The following TNNI3K variants were observed in gnomAD, a reference collection of about 807,000 sequenced individuals.
TNNI3K encodes the protein serine/threonine-protein kinase TNNI3K.
TNNI3K carries 140 observed loss-of-function variants against 114.5 expected under a neutral mutation model. The observed-to-expected ratio is 1.22, with a 90% CI of 1.07 to 1.41. The LOEUF is 1.41. Among genes scored for constraint, TNNI3K ranks in the 40% most tolerant of loss-of-function variants. The pLI, the probability that TNNI3K is intolerant of heterozygous loss-of-function variation, is 0.00. For missense variants in TNNI3K, 1,125 were observed against 1,007.6 expected, an observed-to-expected ratio of 1.12 and a Z score of -1.58; for synonymous variants, 347 against 347.5, an observed-to-expected ratio of 1.00 and a Z score of 0.02.
At chr1:74,260,345 A>G (rs1159811940) in intron 4 of TNNI3K, among the ~76,000 whole-genome samples, 1 of 152,206 alleles carries the variant, frequency 6.6e-6, no homozygotes, top group African/African-American at 2.4e-5. Flanking sequence ...GTGTCCAAAC[A>G]TTAGAACAAT....
intron 21 of TNNI3K, chr1:74,470,122 T>C: frequency 2.5e-6 from 1 of 400,750 alleles, no homozygotes; most frequent in Non-Finnish European, 4.4e-6. Context: ...TCTAAAATTA[T>C]GTACATTACT....
At chr1:74,500,231 A>G (rs1669539913) in intron 23 of TNNI3K, among the ~76,000 whole-genome samples, 1 of 152,206 alleles carries the variant, frequency 6.6e-6, no homozygotes, top group South Asian at 2.1e-4. Flanking sequence ...ATTGTTTTAT[A>G]CAACTATGTT....
At chr1:74,542,324 T>C (rs6604871) in intron 24 of TNNI3K, among the ~76,000 whole-genome samples, 78,322 of 152,118 alleles carry the variant, frequency 0.51, 21,368 homozygotes, top group East Asian at 0.73. Flanking sequence ...AAGCTGATTA[T>C]GGTCATAAAA....
chr1:74,253,399 T>A (rs1354412581), intron 4 of TNNI3K, among the ~76,000 whole-genome samples: 1 of 151,966 alleles, frequency 6.6e-6, no homozygotes, highest in East Asian at 1.9e-4. Flanking sequence ...GCAGCACGCT[T>A]TGGGTAAGCT....
intron 21 of TNNI3K, among the ~76,000 whole-genome samples, chr1:74,481,981 G>T (rs974686947): frequency 6.6e-6 from 1 of 152,154 alleles, no homozygotes; most frequent in African/African-American, 2.4e-5. Flanking sequence ...AAGATTCTCA[G>T]AGTGCCTTCT....
At chr1:74,333,639 T>C (rs1166600213) in intron 6 of TNNI3K, among the ~76,000 whole-genome samples, 2 of 152,224 alleles carry the variant, frequency 1.3e-5, no homozygotes, top group Non-Finnish European at 2.9e-5. Flanking sequence ...AAGTAATTTA[T>C]GGAGGCTATT....
chr1:74,353,660 A>C (rs1200368912), intron 10 of TNNI3K, among the ~76,000 whole-genome samples: 1 of 146,384 alleles, frequency 6.8e-6, no homozygotes, highest in African/African-American at 2.5e-5. Context: ...AAAAAAAAAA[A>C]ACCTGTGATG....
In TNNI3K at chr1:74,464,818, A is replaced by C. The variant is rs1667600424; in HGVS notation, c.2121+1268A>C. Reference sequence around the variant, plus strand: ...AATCTTCCATCACTACCAAAATGTTAGCTCCATGAAAGCGGTCCTTTTTGT... The same window carrying C: ...AATCTTCCATCACTACCAAAATGTTCGCTCCATGAAAGCGGTCCTTTTTGT... On this transcript the variant is annotated intron_variant, in intron 21 of 24. Transcript: ENST00000326637. The C allele has an allele frequency of 7.4e-6, 11 of 1,484,856 alleles. No homozygotes were observed. In the East Asian group the frequency reaches 2.5e-4, roughly 34 times the overall value. The allele number at this position is 1,484,856 out of a possible 1,614,324, so 92.0% of individuals were successfully genotyped here.
At chr1:74,441,168 A>G (rs897786672) in intron 20 of TNNI3K, among the ~76,000 whole-genome samples, 1 of 152,138 alleles carries the variant, frequency 6.6e-6, no homozygotes, top group African/African-American at 2.4e-5. Flanking sequence ...ATACAGCTGT[A>G]TAACCACAAT....
At chr1:74,258,187 A>G (rs779896584) in intron 4 of TNNI3K, among the ~76,000 whole-genome samples, 14 of 152,064 alleles carry the variant, frequency 9.2e-5, no homozygotes, top group Non-Finnish European at 1.5e-4. Flanking sequence ...TCTTTTCTAG[A>G]TCTTCCAGAA....
At chr1:74,415,724 C>A (rs1431916937) in intron 17 of TNNI3K, among the ~76,000 whole-genome samples, 2 of 149,104 alleles carry the variant, frequency 1.3e-5, no homozygotes, top group Admixed American at 1.3e-4. Context: ...CCTATATAGA[C>A]TAAATTTTCT....
At chr1:74,449,902 G>A (rs1360366784) in intron 20 of TNNI3K, among the ~76,000 whole-genome samples, 2 of 122,726 alleles carry the variant, frequency 1.6e-5, no homozygotes, top group East Asian at 4.7e-4. Context: ...GCACCAAGCG[G>A]ACCTAATAGA....
chr1:74,451,832 A>G (rs1264094086), intron 20 of TNNI3K, among the ~76,000 whole-genome samples: 2 of 149,676 alleles, frequency 1.3e-5, no homozygotes, highest in African/African-American at 4.9e-5. Context: ...AAGTGGTAAG[A>G]TATATACCTC....
chr1:74,449,357 T>G (rs1406896854), intron 20 of TNNI3K, among the ~76,000 whole-genome samples: 2 of 151,442 alleles, frequency 1.3e-5, no homozygotes, highest in African/African-American at 4.9e-5. Flanking sequence ...TCTCTCTTTT[T>G]TTCTTTATTA....
chr1:74,477,667 A>T (rs532492434), intron 21 of TNNI3K, among the ~76,000 whole-genome samples: 1 of 152,150 alleles, frequency 6.6e-6, no homozygotes, highest in East Asian at 1.9e-4. Flanking sequence ...GGACCCACTC[A>T]CTCCCCTGCT....
intron 17 of TNNI3K, among the ~76,000 whole-genome samples, chr1:74,382,552 A>G (rs1663256109): frequency 6.6e-6 from 1 of 152,182 alleles, no homozygotes; most frequent in Admixed American, 6.6e-5. Context: ...TTACTAAATG[A>G]TGTGGGAAAC....
intron 17 of TNNI3K, among the ~76,000 whole-genome samples, chr1:74,391,136 A>G (rs1032248173): frequency 1.3e-5 from 2 of 152,186 alleles, no homozygotes; most frequent in Non-Finnish European, 2.9e-5. Context: ...TAAGCAAGAG[A>G]GAAACATGGT....
At chr1:74,406,228 A>G (rs766755161) in intron 17 of TNNI3K, among the ~76,000 whole-genome samples, 7 of 152,190 alleles carry the variant, frequency 4.6e-5, no homozygotes, top group Non-Finnish European at 8.8e-5. Context: ...TGTCCACCCC[A>G]CAGCCCACAG....
At chr1:74,540,791 G>A (rs1557638099) in intron 24 of TNNI3K, among the ~76,000 whole-genome samples, 1 of 152,074 alleles carries the variant, frequency 6.6e-6, no homozygotes, top group Non-Finnish European at 1.5e-5. Flanking sequence ...AGCACTCAAG[G>A]GTAAAATGCA....
Sources: allele counts gnomAD v4.1 joint callset (sites outside exome capture counted in the v4.1 genomes callset), GRCh38; gene constraint gnomAD v4.1.1; transcripts MANE v1.5; gene names NCBI Gene and HGNC (gene_info 2026-07-23, HGNC 2026-07-21).